DLG2: variants seen among roughly 807,000 people sequenced by gnomAD.
DLG2 encodes the protein discs large MAGUK scaffold protein 2.
In DLG2, 45 loss-of-function variants were observed where a neutral mutation model predicts 132.5. The ratio of observed to expected loss-of-function variants is 0.34; its 90% CI spans 0.27 to 0.44. The LOEUF (loss-of-function observed/expected upper bound fraction) is 0.44. Among genes scored for constraint, DLG2 ranks in the 20% least tolerant of loss-of-function variants. The pLI, the probability that DLG2 is intolerant of heterozygous loss-of-function variation, is 1.00. For synonymous variants in DLG2, 424 were observed against 419.6 expected (o/e 1.01, Z -0.13); for missense variants, 1,045 against 1,196.9 (o/e 0.87, Z 1.87).
chr11:84,235,405 A>T (rs1364696194), intron 8 of DLG2, among the ~76,000 whole-genome samples: 1 of 152,132 alleles, frequency 6.6e-6, no homozygotes, highest in Non-Finnish European at 1.5e-5. Context: ...GATGACACTA[A>T]CTGCATTTTA....
chr11:84,447,193 T>C (rs1337289182), intron 7 of DLG2, among the ~76,000 whole-genome samples: 1 of 152,200 alleles, frequency 6.6e-6, no homozygotes, highest in Non-Finnish European at 1.5e-5. Flanking sequence ...GGAAAAGTTA[T>C]GCTAACTTTA....
In DLG2 at chr11:84,714,577, T is replaced by C. The variant is rs370507738; in HGVS notation, c.358-179846A>G. ...TCTCTCTTTCTCTTTCTCTTTCTCT[T>C]TCTCTTTCTCTTTCTCTTTCTTTCT... On this transcript the variant is annotated intron_variant, in intron 6 of 27. Transcript: ENST00000376104. Among the ~76,000 whole-genome samples, 871 of 125,998 alleles carry C rather than the reference T, an allele frequency of 6.9e-3. 18 individuals are homozygous for C. The highest frequency in any genetic ancestry group is 0.018 in the African/African-American group (522 of 28,336). The allele number at this position is 125,998 out of a possible 152,430, so 82.7% of individuals were successfully genotyped here. A position where few individuals can be genotyped will look rare whatever the true frequency, so the allele number is the denominator to read the frequency against.
intron 19 of DLG2, among the ~76,000 whole-genome samples, chr11:83,594,069 G>A (rs635823): frequency 0.72 from 109,109 of 152,242 alleles, 39,839 homozygotes; most frequent in African/African-American, 0.86. Context: ...CAGAAATACT[G>A]GGAAAGAGAC....
intron 3 of DLG2, among the ~76,000 whole-genome samples, chr11:85,295,596 C>G (rs1316314453): frequency 6.6e-6 from 1 of 152,082 alleles, no homozygotes; most frequent in Non-Finnish European, 1.5e-5. Context: ...AGCCTAAACC[C>G]TTTAATGCAA....
At chr11:85,290,380 G>A (rs888425394) in intron 3 of DLG2, among the ~76,000 whole-genome samples, 7 of 151,994 alleles carry the variant, frequency 4.6e-5, no homozygotes, top group Non-Finnish European at 1.0e-4. Flanking sequence ...CTGAATTTCT[G>A]CACTTCTAAT....
intron 6 of DLG2, among the ~76,000 whole-genome samples, chr11:84,823,154 GAGGA>G (rs1462372233): frequency 4.0e-5 from 6 of 151,852 alleles, no homozygotes; most frequent in African/African-American, 1.2e-4. Context: ...AATTGATGAA[GAGGA>G]AGGAATAAAC....
At chr11:84,391,437 T>G (rs574414423) in intron 7 of DLG2, among the ~76,000 whole-genome samples, 1 of 152,278 alleles carries the variant, frequency 6.6e-6, no homozygotes, top group South Asian at 2.1e-4. Flanking sequence ...TAGTTCTATT[T>G]TTACCAATAA....
At chr11:85,387,801 G>C (rs1478501796) in intron 3 of DLG2, among the ~76,000 whole-genome samples, 1 of 152,110 alleles carries the variant, frequency 6.6e-6, no homozygotes. Flanking sequence ...GGAAAATCTA[G>C]AGGGGAAAAA....
At chr11:85,323,604 C>T (rs1362123250) in intron 3 of DLG2, among the ~76,000 whole-genome samples, 1 of 152,238 alleles carries the variant, frequency 6.6e-6, no homozygotes. Context: ...CTTATTCCTT[C>T]TACCTAACTG....
chr11:85,118,354 G>C, intron 5 of DLG2, among the ~76,000 whole-genome samples: 1 of 152,174 alleles, frequency 6.6e-6, no homozygotes, highest in East Asian at 1.9e-4. Context: ...AAAATCCTTT[G>C]TGACTTCAGG....
rs1231042184 is a variant in DLG2 at position 84,930,172 on chromosome 11, C to A, written c.357+181489G>T. Among the ~76,000 whole-genome samples, 3 of 152,120 alleles carry A rather than the reference C, an allele frequency of 2.0e-5. No individual in the cohort carries two copies. In the East Asian group the frequency reaches 5.8e-4, roughly 29 times the overall value. Reference sequence around the variant, plus strand: ...ATCAGAGGCTATCTTTTTATGAGATCAGCCCCTACAGAGTCTTTTTTCTGA... The same window carrying A: ...ATCAGAGGCTATCTTTTTATGAGATAAGCCCCTACAGAGTCTTTTTTCTGA... On this transcript the variant is annotated intron_variant, in intron 6 of 27. Transcript: ENST00000376104.
intron 4 of DLG2, among the ~76,000 whole-genome samples, chr11:85,214,639 G>T (rs538568829): frequency 6.6e-6 from 1 of 152,056 alleles, no homozygotes; most frequent in Admixed American, 6.6e-5. Flanking sequence ...ATTTCATCTT[G>T]ATTTTAAAAT....
chr11:83,501,019 A>C (rs561531244), intron 21 of DLG2, among the ~76,000 whole-genome samples: 1 of 152,174 alleles, frequency 6.6e-6, no homozygotes, highest in African/African-American at 2.4e-5. Context: ...GCAAAACAAA[A>C]CTAAGTAAAG....
intron 7 of DLG2, among the ~76,000 whole-genome samples, chr11:84,331,949 TG>T (rs1213245999): frequency 2.6e-5 from 4 of 152,204 alleles, no homozygotes; most frequent in Admixed American, 6.5e-5. Flanking sequence ...AAAACACATC[TG>T]AGAGGTTTCA....
intron 18 of DLG2, among the ~76,000 whole-genome samples, chr11:83,721,452 AACACATGCGC>A (rs2088529928): frequency 6.6e-6 from 1 of 152,200 alleles, no homozygotes; most frequent in Admixed American, 6.5e-5. Flanking sequence ...TCTACACAAT[AACACATGCGC>A]ATCATCATCA....
chr11:84,615,962 G>A (rs1412787347), intron 6 of DLG2, among the ~76,000 whole-genome samples: 2 of 151,702 alleles, frequency 1.3e-5, no homozygotes, highest in East Asian at 1.9e-4. Flanking sequence ...ATATAGTGAC[G>A]AGGTTCATGT....
In DLG2 at chr11:85,043,286, G is replaced by A. The variant is rs370070847; in HGVS notation, c.357+68375C>T. ...TTACTAGGTCAAAGATTTCTAATTT[G>A]TACCAGAATCTTAATGTATCAAATT... On this transcript the variant is annotated intron_variant, in intron 6 of 27. Coordinates refer to ENST00000376104, the MANE Select transcript of DLG2 (RefSeq NM_001142699.3). Among the ~76,000 whole-genome samples the A allele has an allele frequency of 3.3e-5, 5 of 151,842 alleles. No individual in the cohort carries two copies. The East Asian group carries it at 9.7e-4, about 29-fold the overall frequency.
At chr11:84,014,532 T>C (rs2095065475) in intron 11 of DLG2, among the ~76,000 whole-genome samples, 1 of 152,196 alleles carries the variant, frequency 6.6e-6, no homozygotes, top group African/African-American at 2.4e-5. Flanking sequence ...GTCTTGTTCC[T>C]ATTACACAAA....
intron 9 of DLG2, among the ~76,000 whole-genome samples, chr11:84,122,598 G>A (rs2093981344): frequency 6.6e-6 from 1 of 151,972 alleles, no homozygotes; most frequent in Non-Finnish European, 1.5e-5. Flanking sequence ...AAAAAAAGTT[G>A]TCGGGCTGTG....
Sources: gnomAD v4.1 joint callset for allele counts (sites outside exome capture counted in the v4.1 genomes callset) on GRCh38, gnomAD v4.1.1 for gene constraint, MANE v1.5 for transcripts, NCBI Gene and HGNC (gene_info 2026-07-23, HGNC 2026-07-21) for gene names.